GTPBP10: variants seen among roughly 807,000 people sequenced by gnomAD.
The protein encoded by GTPBP10 is GTP-binding protein 10.
A neutral mutation model predicts 44.8 loss-of-function variants in GTPBP10; 38 were observed. That is an observed-to-expected ratio of 0.85 (90% CI 0.65 to 1.11). The LOEUF (loss-of-function observed/expected upper bound fraction) is 1.11, where lower values mean the gene tolerates loss of function less well. Among genes scored for constraint, GTPBP10 ranks in the 50% most tolerant of loss-of-function variants. The probability of loss-of-function intolerance (pLI) is 0.00; values close to 1 mark genes in which losing one functional copy is unlikely to be tolerated. For synonymous variants in GTPBP10, 152 were observed against 150.6 expected (o/e 1.01, Z -0.07); for missense variants, 462 against 453.7 (o/e 1.02, Z -0.17).
rs191812563 is a variant in GTPBP10 at position 90,360,975 on chromosome 7, G to T, written c.464+5745G>T. 5.1e-4 allele frequency among the ~76,000 whole-genome samples: 78 copies of T among 152,116 alleles called. 1 individual carries two copies. The highest frequency in any genetic ancestry group is 1.5e-3 in the African/African-American group (64 of 41,490). Reference sequence around the variant, plus strand: ...TGTATAAGAATGCTTGTGATTTTTGGACATTGATTTTGTATCCTGAGACTT... The same window carrying T: ...TGTATAAGAATGCTTGTGATTTTTGTACATTGATTTTGTATCCTGAGACTT... On this transcript the variant is annotated intron_variant, in intron 4 of 9. Coordinates refer to ENST00000222511, the MANE Select transcript of GTPBP10 (RefSeq NM_033107.4).
chr7:90,381,874 T>C (rs945385652), intron 8 of GTPBP10, among the ~76,000 whole-genome samples: 1 of 152,120 alleles, frequency 6.6e-6, no homozygotes, highest in Non-Finnish European at 1.5e-5. Context: ...TGCAGAGAAA[T>C]GAAATTAGAT....
At chr7:90,381,638 A>C (rs541628805) in intron 8 of GTPBP10, among the ~76,000 whole-genome samples, 1 of 152,334 alleles carries the variant, frequency 6.6e-6, no homozygotes, top group South Asian at 2.1e-4. Flanking sequence ...ACAAAGCTGG[A>C]AGCTTCACAC....
intron 5 of GTPBP10, among the ~76,000 whole-genome samples, chr7:90,373,286 A>T (rs1796291374): frequency 6.6e-6 from 1 of 152,206 alleles, no homozygotes; most frequent in Non-Finnish European, 1.5e-5. Context: ...TTTGCTCCTC[A>T]CAGAGATCTC....
chr7:90,365,952 T>G (rs1355006830), intron 4 of GTPBP10, among the ~76,000 whole-genome samples: 2 of 152,320 alleles, frequency 1.3e-5, no homozygotes, highest in Middle Eastern at 3.4e-3. Context: ...ATACCTAGTG[T>G]TTTGAGAGTT....
rs559172588 is a variant in GTPBP10 at position 90,391,120 on chromosome 7, A to C, written c.*5966A>C. On this transcript the variant is annotated 3_prime_UTR_variant, in exon 10 of 10. Transcript: ENST00000222511. ...CAGGAAGTGGTACCACTCTGGGGTC[A>C]AGAGAAATTGTAAGAACAATAAAAT... The C allele has an allele frequency of 6.6e-6, 1 of 152,224 alleles. No individual in the cohort carries two copies. Among genetic ancestry groups the C allele is most frequent in the East Asian group, 1.9e-4 (1 of 5,196 alleles). The allele number at this position is 152,224 out of a possible 1,614,324, so 9.4% of individuals were successfully genotyped here.
chr7:90,365,561 A>G (rs1167919708), intron 4 of GTPBP10, among the ~76,000 whole-genome samples: 2 of 151,018 alleles, frequency 1.3e-5, no homozygotes, highest in Non-Finnish European at 3.0e-5. Flanking sequence ...TATTTTTAGT[A>G]GAGACGGGGT....
rs17864946 is a variant in GTPBP10, at chr7:90,349,806, G to A, written c.34-3010G>A. ...AACCTGATTTGGGAGATATTCTTTC[G>A]TCTCAGTGATTTTCTTAATGGCATC... On this transcript the variant is annotated intron_variant, in intron 1 of 9. Transcript: ENST00000222511. Among the ~76,000 whole-genome samples, 1,152 of 152,146 alleles carry A rather than the reference G, an allele frequency of 7.6e-3. 12 individuals are homozygous for A. Among genetic ancestry groups the A allele is most frequent in the African/African-American group, 0.026 (1,097 of 41,482 alleles).
At chr7:90,381,111 T>C (rs1374184497) in intron 8 of GTPBP10, among the ~76,000 whole-genome samples, 1 of 152,228 alleles carries the variant, frequency 6.6e-6, no homozygotes, top group Non-Finnish European at 1.5e-5. Context: ...CAGAGATCTC[T>C]TTGACATACT....
At chr7:90,362,333 T>C (rs1796039934) in intron 4 of GTPBP10, among the ~76,000 whole-genome samples, 1 of 152,218 alleles carries the variant, frequency 6.6e-6, no homozygotes, top group African/African-American at 2.4e-5. Context: ...GTATGTTGTA[T>C]GTTTGTTCTC....
chr7:90,381,242 T>G (rs1364014437), intron 8 of GTPBP10, among the ~76,000 whole-genome samples: 5 of 152,206 alleles, frequency 3.3e-5, no homozygotes, highest in South Asian at 2.1e-4. Flanking sequence ...TAATTTACAT[T>G]CCCACTCAAC....
intron 4 of GTPBP10, among the ~76,000 whole-genome samples, chr7:90,362,918 G>C (rs2115673663): frequency 6.6e-6 from 1 of 152,148 alleles, no homozygotes; most frequent in Admixed American, 6.5e-5. Flanking sequence ...GATCTTTGTT[G>C]GTTTAAAGTC....
chr7:90,354,561 A>C lies in GTPBP10; in HGVS notation c.319+12A>C, dbSNP rs368507590. 3.6e-6 allele frequency: 5 copies of C among 1,386,038 alleles called. No individual in the cohort carries two copies. Among genetic ancestry groups the C allele is most frequent in the Non-Finnish European group, 5.0e-6 (5 of 1,001,880 alleles). The allele number at this position is 1,386,038 out of a possible 1,614,324, so 85.9% of individuals were successfully genotyped here. Reference sequence around the variant, plus strand: ...TGGTAAAATTATAGGTGAGTGTACTATAACTCCAAAAGTTGTAAAAATGTG... The same window carrying C: ...TGGTAAAATTATAGGTGAGTGTACTCTAACTCCAAAAGTTGTAAAAATGTG... On this transcript the variant is annotated intron_variant, in intron 3 of 9. Coordinates refer to ENST00000222511, the MANE Select transcript of GTPBP10 (RefSeq NM_033107.4).
intron 8 of GTPBP10, among the ~76,000 whole-genome samples, chr7:90,379,375 A>G (rs1796397370): frequency 6.6e-6 from 1 of 152,102 alleles, no homozygotes; most frequent in African/African-American, 2.4e-5. Context: ...GCTGATGCTG[A>G]TGTTCCCTGC....
At chr7:90,365,143 C>T (rs1285443113) in intron 4 of GTPBP10, among the ~76,000 whole-genome samples, 1 of 152,160 alleles carries the variant, frequency 6.6e-6, no homozygotes, top group African/African-American at 2.4e-5. Flanking sequence ...GTCCTGCACC[C>T]ACTATCCAAC....
intron 5 of GTPBP10, among the ~76,000 whole-genome samples, chr7:90,372,963 G>A (rs1292834903): frequency 1.3e-5 from 2 of 152,182 alleles, no homozygotes; most frequent in South Asian, 2.1e-4. Flanking sequence ...TACTATGAAA[G>A]AGTATAGATG....
chr7:90,348,437 A>G (rs1187480959), intron 1 of GTPBP10, among the ~76,000 whole-genome samples: 2 of 152,218 alleles, frequency 1.3e-5, no homozygotes, highest in Admixed American at 1.3e-4. Context: ...TATATATAGT[A>G]TATACTGTAT....
In GTPBP10 at chr7:90,377,533, A is replaced by C; in HGVS notation, c.618A>C (p.Leu206Phe). ...KQISVADLPG[L>F]IEGAHMNKGM... ...TATCAGTAGCTGATCTTCCGGGTTTAATAGAAGGAGCACATATGAACAAAG... is the reference window on the plus strand; with the variant it reads ...TATCAGTAGCTGATCTTCCGGGTTTCATAGAAGGAGCACATATGAACAAAG... Residue 206 changes from leucine (L) to phenylalanine (F), a missense_variant, in exon 7 of 10, where the codon TTA becomes TTC. By Grantham distance (22) the Leu-to-Phe change is conservative. Coordinates refer to ENST00000222511, the MANE Select transcript of GTPBP10 (RefSeq NM_033107.4). 6.2e-7 allele frequency: 1 copy of C among 1,609,516 alleles called. No individual in the cohort carries two copies. Among genetic ancestry groups the C allele is most frequent in the Middle Eastern group, 1.7e-4 (1 of 6,044 alleles).
intron 8 of GTPBP10, among the ~76,000 whole-genome samples, chr7:90,380,490 A>G (rs777547586): frequency 6.6e-5 from 10 of 152,072 alleles, no homozygotes; most frequent in Non-Finnish European, 1.2e-4. Flanking sequence ...GCACAAAACT[A>G]TTATTTATTT....
chr7:90,380,408 T>C (rs1796416903), intron 8 of GTPBP10, among the ~76,000 whole-genome samples: 1 of 152,198 alleles, frequency 6.6e-6, no homozygotes, highest in African/African-American at 2.4e-5. Flanking sequence ...GATACATAAT[T>C]TGAAAATATT....
Sources: gnomAD v4.1 joint callset for allele counts (sites outside exome capture counted in the v4.1 genomes callset) on GRCh38, gnomAD v4.1.1 for gene constraint, MANE v1.5 for transcripts, NCBI Gene and HGNC (gene_info 2026-07-23, HGNC 2026-07-21) for gene names.